The following SEC16B variants were observed in gnomAD, a reference collection of about 807,000 sequenced individuals.
SEC16B encodes protein transport protein Sec16B.
In SEC16B, 115 loss-of-function variants were observed where a neutral mutation model predicts 141.8. That is an observed-to-expected ratio of 0.81 (90% CI 0.70 to 0.95). The LOEUF (loss-of-function observed/expected upper bound fraction) is 0.95. Ranked by LOEUF, SEC16B falls within the 40% of genes least tolerant of loss-of-function variation. The pLI is 0.00. For missense variants in SEC16B, 1,291 were observed against 1,312.3 expected (o/e 0.98, Z 0.25); for synonymous variants, 493 against 492.5 (o/e 1.00, Z -0.01).
At chr1:177,961,820 C>A in intron 5 of SEC16B, 86 bp from the exon 6 acceptor site, 12 of 1,215,730 alleles carry the variant, frequency 9.9e-6, no homozygotes, top group Non-Finnish European at 1.4e-5. Flanking sequence ...AAAATACATA[C>A]GGTGAAAGTG....
chr1:177,948,085 A>G (rs1651873098), intron 12 of SEC16B, 143 bp from the exon 13 acceptor site: 8 of 759,910 alleles, frequency 1.1e-5, no homozygotes, highest in South Asian at 1.7e-5. Flanking sequence ...TCATTGATTT[A>G]GAGCTCTCAT....
At position 177,946,413 on chromosome 1, in the gene SEC16B, C is replaced by A; in HGVS notation, c.1775+7G>T. On this transcript the variant is annotated splice_region_variant and intron_variant, in intron 14 of 25. Coordinates refer to ENST00000308284, the MANE Select transcript of SEC16B (RefSeq NM_033127.4). The stretch of plus-strand genomic sequence containing the variant: ...CCTTACTGTTTCCTTTCTCCCAGGT[C>A]GCATACCTGTGGCTGCTGCCCAGCA... 6.5e-7 allele frequency: 1 copy of A among 1,548,864 alleles called. No homozygotes were observed. Among genetic ancestry groups the A allele is most frequent in the Non-Finnish European group, 8.8e-7 (1 of 1,141,884 alleles).
chr1:177,970,991 G>A (rs1653919150), upstream of SEC16B, among the ~76,000 whole-genome samples: 1 of 151,878 alleles, frequency 6.6e-6, no homozygotes, highest in South Asian at 2.1e-4. Context: ...ATAGGGTCAT[G>A]TACCTAAGCT....
intron 24 of SEC16B, among the ~76,000 whole-genome samples, chr1:177,931,057 A>C (rs963403634): frequency 6.6e-6 from 1 of 152,264 alleles, no homozygotes; most frequent in African/African-American, 2.4e-5. Context: ...CATTTGATCC[A>C]GCAATCCCAC....
chr1:177,932,858 T>C (rs1395528921), intron 22 of SEC16B, 52 bp from the exon 23 acceptor site: 4 of 1,507,352 alleles, frequency 2.7e-6, no homozygotes, highest in South Asian at 2.4e-5. Flanking sequence ...AGTTAACAAA[T>C]TGATGCCCGC....
intron 13 of SEC16B, 21 bp from the exon 14 acceptor site, chr1:177,946,552 G>A: frequency 2.6e-6 from 4 of 1,543,892 alleles, no homozygotes; most frequent in Non-Finnish European, 3.5e-6. Flanking sequence ...AAGAGAACAA[G>A]ACCCAATCAC....
At chr1:177,946,388 C>A (rs1190268235) in intron 14 of SEC16B, 32 bp downstream of exon 14, 1 of 1,447,122 alleles carries the variant, frequency 6.9e-7, no homozygotes, top group Non-Finnish European at 9.5e-7. Context: ...TGGAAAATGT[C>A]CTTACTGTTT....
rs75644738 is a variant in SEC16B at position 177,931,078 on chromosome 1, C to T, written c.3013-435G>A. Among the ~76,000 whole-genome samples, 984 of 152,262 alleles carry T rather than the reference C, an allele frequency of 6.5e-3. 10 individuals carry two copies. Among genetic ancestry groups the T allele is most frequent in the Non-Finnish European group, 7.3e-3 (497 of 68,018 alleles). On this transcript the variant is annotated intron_variant, in intron 24 of 25. Transcript: ENST00000308284. ...ATCCAGCAATCCCACTACTGGGTAT[C>T]GGCCCAAAAGGAAAGAAGTCATTAC...
At chr1:177,975,882 CAGGTG>C (rs1654150736) in intron 1 of SEC16B, among the ~76,000 whole-genome samples, 1 of 152,226 alleles carries the variant, frequency 6.6e-6, no homozygotes. Context: ...CCCCTTGCTT[CAGGTG>C]AGCTGGGTGG....
chr1:177,942,009 G>A lies in SEC16B; in HGVS notation c.1913C>T (p.Ala638Val), dbSNP rs552306528. 1.9e-6 allele frequency: 3 copies of A among 1,613,950 alleles called. No individual in the cohort carries two copies. The highest frequency in any genetic ancestry group is 2.7e-5 in the African/African-American group (2 of 75,044). ...AGCCTGGGACACGAGGCCATAATCTGCCAGACGGGAAGCATAAAGGAGCTT... is the reference window on the plus strand; with the variant it reads ...AGCCTGGGACACGAGGCCATAATCTACCAGACGGGAAGCATAAAGGAGCTT... ...VYKLLYASRLADYGLVSQALH... is the reference protein window; with the variant it reads ...VYKLLYASRLVDYGLVSQALH... The change falls in exon 16 of 26, where the codon GCA becomes GTA. Residue 638 changes from alanine to valine, a missense_variant. Physicochemically the swap from Ala to Val is moderately conservative, Grantham distance 64. Around this residue, in one of 3 missense-constraint regions of SEC16B, gnomAD observed 605 missense variants for 614.1 expected, o/e 0.99. Coordinates refer to ENST00000308284, the MANE Select transcript of SEC16B (RefSeq NM_033127.4).
Position 177,960,343 on chromosome 1 carries a change from T to C in SEC16B, c.997A>G (p.Arg333Gly), listed in dbSNP as rs766304732. ...TCAGCAGCTCTTACAGCACTATACC[T>C]AATCAAGGGTCCTGAGAAACTTCTC... ...EMRSFSGPLI[R>G]EDVHKVDIMT... The change falls in exon 8 of 26, where the codon AGG (arginine) becomes GGG (glycine). Residue 333 changes from arginine to glycine, a missense_variant and splice_region_variant. Around this residue, in one of 3 missense-constraint regions of SEC16B, gnomAD observed 681 missense variants for 675.5 expected, o/e 1.01. Transcript: ENST00000308284. The C allele has an allele frequency of 4.0e-5, 64 of 1,594,804 alleles. No individual in the cohort carries two copies. The highest frequency in any genetic ancestry group is 1.5e-4 in the Admixed American group (9 of 59,366).
At chr1:177,943,932 G>A (rs140220588) in intron 15 of SEC16B, among the ~76,000 whole-genome samples, 26 of 152,218 alleles carry the variant, frequency 1.7e-4, no homozygotes, top group African/African-American at 5.3e-4. Context: ...GGTGCTGGAC[G>A]TCAGAGCTCA....
intron 19 of SEC16B, 137 bp downstream of exon 19, chr1:177,937,077 C>G: frequency 2.2e-6 from 2 of 929,104 alleles, no homozygotes; most frequent in Non-Finnish European, 1.6e-6. Flanking sequence ...CCCTCCGTAA[C>G]GGGCACACAT....
chr1:177,960,197 T>C (rs533506322), intron 8 of SEC16B, 145 bp downstream of exon 8: 33 of 646,354 alleles, frequency 5.1e-5, no homozygotes, highest in Admixed American at 2.1e-4. Flanking sequence ...TCTGGTTCTA[T>C]CTTGCAGCAC....
At chr1:177,976,069 T>A (rs1287664359) in intron 1 of SEC16B, among the ~76,000 whole-genome samples, 1 of 152,190 alleles carries the variant, frequency 6.6e-6, no homozygotes, top group African/African-American at 2.4e-5. Context: ...GAGTGAAGGT[T>A]TAGGCACAAT....
intron 20 of SEC16B, among the ~76,000 whole-genome samples, chr1:177,935,344 C>A (rs1435813577): frequency 6.6e-6 from 1 of 152,002 alleles, no homozygotes; most frequent in Admixed American, 6.5e-5. Flanking sequence ...GAATGAATAG[C>A]GCTACTTTCA....
intron 6 of SEC16B, chr1:177,961,382 G>A: frequency 1.8e-6 from 1 of 555,968 alleles, no homozygotes; most frequent in Non-Finnish European, 3.1e-6. Flanking sequence ...TAGGGGCAGT[G>A]TTCCCTTCCA....
At chr1:177,933,386 T>C (rs1338468926) in intron 21 of SEC16B, 74 bp from the exon 22 acceptor site, 9 of 1,558,120 alleles carry the variant, frequency 5.8e-6, no homozygotes, top group Non-Finnish European at 7.8e-6. Context: ...CCCGCCCCCA[T>C]GTAACCATCA....
Position 177,937,377 on chromosome 1 carries a change from C to T in SEC16B, c.2340G>A (p.Pro780=), listed in dbSNP as rs199596568. 7.4e-5 allele frequency: 119 copies of T among 1,612,618 alleles called. No homozygotes were observed. Among genetic ancestry groups the T allele is most frequent in the East Asian group, 6.7e-4 (30 of 44,848 alleles). The stretch of plus-strand genomic sequence containing the variant: ...CACCCCCTCCTGCTGGGTAGGAGCC[C>T]GGCTGGAGGGGAAAGGGCTGCTGTG... ...PSPQQPFPLQ[P]GSYPAGGGAG... The change falls in exon 19 of 26, where the codon CCG becomes CCA. Residue 780 remains proline, a synonymous_variant. Transcript: ENST00000308284.
Sources: allele counts gnomAD v4.1 joint callset (sites outside exome capture counted in the v4.1 genomes callset), GRCh38; gene constraint gnomAD v4.1.1; regional missense constraint gnomAD v4.1.1; transcripts MANE v1.5; gene names NCBI Gene and HGNC (gene_info 2026-07-23, HGNC 2026-07-21).